Variants in USP49 observed in about 807,000 individuals in gnomAD.
USP49 encodes ubiquitin carboxyl-terminal hydrolase 49.
A neutral mutation model predicts 58.6 loss-of-function variants in USP49; 24 were observed. The ratio of observed to expected loss-of-function variants is 0.41; its 90% confidence interval spans 0.30 to 0.58. The LOEUF (loss-of-function observed/expected upper bound fraction) is 0.58. USP49 is among the 20% of genes least tolerant of loss of function. The probability of loss-of-function intolerance (pLI) is 0.30; values close to 1 mark genes in which losing one functional copy is unlikely to be tolerated. For synonymous variants in USP49, 408 were observed against 365.1 expected, an observed-to-expected ratio of 1.12 and a Z score of -1.34; for missense variants, 703 against 866.1, an observed-to-expected ratio of 0.81 and a Z score of 2.36.
Position 41,817,737 on chromosome 6 carries a change from T to A in USP49, c.-28-10726A>T, listed in dbSNP as rs1773382006. Among the ~76,000 whole-genome samples, 3 of 152,166 alleles carry A rather than the reference T, an allele frequency of 2.0e-5. No individual in the cohort carries two copies. In the South Asian group the frequency reaches 6.2e-4, roughly 31 times the overall value. ...TTCAAGCAATTCTCCTGCCTCAGCC[T>A]CCCAAGTAGCTGGGACTACAGGTGT... On this transcript the variant is annotated intron_variant, in intron 3 of 7. Coordinates refer to ENST00000682992, the MANE Select transcript of USP49 (RefSeq NM_001286554.2).
At chr6:41,835,863 C>CA (rs1353482033) in intron 3 of USP49, among the ~76,000 whole-genome samples, 1 of 151,888 alleles carries the variant, frequency 6.6e-6, no homozygotes, top group Non-Finnish European at 1.5e-5. Context: ...TGCTTGAGTC[C>CA]AGAAGTTCAA....
chr6:41,809,549 G>A (rs573526322), intron 3 of USP49, among the ~76,000 whole-genome samples: 116 of 149,536 alleles, frequency 7.8e-4, no homozygotes, highest in African/African-American at 2.5e-3. Context: ...AAAATAGGCC[G>A]GGTACGGTGG....
rs114384794 is a variant in USP49, at chr6:41,872,101, G to A, written c.-102-464C>T. The stretch of plus-strand genomic sequence containing the variant: ...GTGGGTTTATGACCTATATGTAAGC[G>A]GCATGCTTCTTTAAAAGCGGTATAT... On this transcript the variant is annotated intron_variant, in intron 2 of 7. Coordinates refer to ENST00000682992, the MANE Select transcript of USP49 (RefSeq NM_001286554.2). Among the ~76,000 whole-genome samples the A allele has an allele frequency of 3.4e-3, 513 of 152,300 alleles. 4 individuals carry two copies. The highest frequency in any genetic ancestry group is 0.012 in the African/African-American group (486 of 41,554).
chr6:41,871,782 TAAAAA>T (rs11351181), intron 2 of USP49, 145 bp from the exon 3 acceptor site: 1 of 150,614 alleles, frequency 6.6e-6, no homozygotes, highest in Non-Finnish European at 1.5e-5. Flanking sequence ...GATGTAAGAG[TAAAAA>T]AAAAACTGTG....
rs761078532 is a variant in USP49 at position 41,804,025 on chromosome 6, T to C, written c.1357-15A>G. On this transcript the variant is annotated splice_polypyrimidine_tract_variant and intron_variant, in intron 4 of 7. Transcript: ENST00000682992. Reference sequence around the variant, plus strand: ...ATACATGTGACCTAGAATGAAAAGATTGATTTACAGATTATATAACTTCCA... The same window carrying C: ...ATACATGTGACCTAGAATGAAAAGACTGATTTACAGATTATATAACTTCCA... The C allele has an allele frequency of 5.6e-6, 9 of 1,610,864 alleles. No individual in the cohort carries two copies. The highest frequency in any genetic ancestry group is 7.6e-6 in the Non-Finnish European group (9 of 1,178,022).
intron 2 of USP49, among the ~76,000 whole-genome samples, chr6:41,876,061 G>A (rs1162641187): frequency 6.6e-6 from 1 of 152,122 alleles, no homozygotes; most frequent in Admixed American, 6.5e-5. Flanking sequence ...AGCTCACATA[G>A]CAAAATGTCT....
chr6:41,849,260 T>C (rs1773978273), intron 3 of USP49, among the ~76,000 whole-genome samples: 1 of 152,138 alleles, frequency 6.6e-6, no homozygotes, highest in African/African-American at 2.4e-5. Context: ...TATACAATAA[T>C]AAATATTTAT....
intron 3 of USP49, among the ~76,000 whole-genome samples, chr6:41,837,422 G>C (rs908400658): frequency 8.5e-5 from 13 of 152,176 alleles, no homozygotes; most frequent in Non-Finnish European, 1.8e-4. Flanking sequence ...ATTGAAGCTG[G>C]ACTTCTTCCT....
intron 5 of USP49, among the ~76,000 whole-genome samples, chr6:41,801,269 T>C (rs1269392493): frequency 6.6e-5 from 10 of 152,362 alleles, no homozygotes; most frequent in Middle Eastern, 3.4e-3. Flanking sequence ...GTTAATTGTC[T>C]TGAGCTGTTG....
At chr6:41,799,015 G>T in intron 6 of USP49, 86 bp from the exon 7 acceptor site, 1 of 1,488,708 alleles carries the variant, frequency 6.7e-7, no homozygotes. Flanking sequence ...ACAGGAAACT[G>T]AGAAAATTTA....
intron 3 of USP49, among the ~76,000 whole-genome samples, chr6:41,841,202 G>T (rs949143274): frequency 6.6e-6 from 1 of 151,466 alleles, no homozygotes; most frequent in South Asian, 2.1e-4. Context: ...TACTATCCCC[G>T]CAACCCAGAA....
At position 41,873,020 on chromosome 6, in the gene USP49, G is replaced by A. The variant is rs150182915; in HGVS notation, c.-102-1383C>T. On this transcript the variant is annotated intron_variant, in intron 2 of 7. Coordinates refer to ENST00000682992, the MANE Select transcript of USP49 (RefSeq NM_001286554.2). ...TGGCTGGCTGTCAAGATCCTAGAACGGTTGTCAAGAAAGGGAAATTGCTCT... is the reference window on the plus strand; with the variant it reads ...TGGCTGGCTGTCAAGATCCTAGAACAGTTGTCAAGAAAGGGAAATTGCTCT... The A allele has an allele frequency of 3.5e-4, 54 of 152,340 alleles. 1 individual carries two copies. The East Asian group carries it at 8.5e-3, about 24-fold the overall frequency. 9.4% of individuals were successfully genotyped at this position (152,340 alleles called of 1,614,324 possible). A position where few individuals can be genotyped will look rare whatever the true frequency, so the allele number is the denominator to read the frequency against.
At chr6:41,834,024 C>T (rs781477612) in intron 3 of USP49, among the ~76,000 whole-genome samples, 2 of 152,196 alleles carry the variant, frequency 1.3e-5, no homozygotes, top group African/African-American at 2.4e-5. Context: ...CACCTGTACA[C>T]ATATTTGAAT....
intron 3 of USP49, among the ~76,000 whole-genome samples, chr6:41,808,233 C>A (rs1773177831): frequency 6.6e-6 from 1 of 151,320 alleles, no homozygotes; most frequent in Admixed American, 6.6e-5. Flanking sequence ...ACCAAACTAC[C>A]GAAACAAAAG....
At chr6:41,890,444 G>A (rs1774793440) in intron 2 of USP49, among the ~76,000 whole-genome samples, 1 of 151,916 alleles carries the variant, frequency 6.6e-6, no homozygotes, top group Non-Finnish European at 1.5e-5. Flanking sequence ...CAGGCGCGGT[G>A]GCTCACATCT....
At chr6:41,883,970 AT>A (rs1225802141) in intron 2 of USP49, among the ~76,000 whole-genome samples, 2 of 152,114 alleles carry the variant, frequency 1.3e-5, no homozygotes, top group Admixed American at 6.6e-5. Context: ...ACACCACAGA[AT>A]ACTATGCTGC....
intron 3 of USP49, among the ~76,000 whole-genome samples, chr6:41,826,694 T>C (rs2127338580): frequency 6.6e-6 from 1 of 152,092 alleles, no homozygotes; most frequent in East Asian, 1.9e-4. Context: ...CTAAAAATAC[T>C]AAAACCCTGA....
At chr6:41,853,980 C>A (rs1354567051) in intron 3 of USP49, among the ~76,000 whole-genome samples, 1 of 98,244 alleles carries the variant, frequency 1.0e-5, no homozygotes, top group East Asian at 3.4e-4. Context: ...GCCTGGGCAA[C>A]AACAGCGAGA....
chr6:41,865,568 T>C (rs1354236860), intron 3 of USP49, among the ~76,000 whole-genome samples: 7 of 152,126 alleles, frequency 4.6e-5, no homozygotes, highest in African/African-American at 2.4e-5. Context: ...CTCAAACTCC[T>C]GGACTCAAGC....
Sources: allele counts gnomAD v4.1 joint callset (sites outside exome capture counted in the v4.1 genomes callset), GRCh38; gene constraint gnomAD v4.1.1; transcripts MANE v1.5; gene names NCBI Gene and HGNC (gene_info 2026-07-23, HGNC 2026-07-21).